Variants in FERMT2 observed in about 807,000 individuals in gnomAD.
The protein encoded by FERMT2 is FERM domain containing kindlin 2.
FERMT2 carries 15 observed loss-of-function variants against 82.7 expected under a neutral mutation model. The observed-to-expected ratio is 0.18, with a 90% confidence interval of 0.12 to 0.28. The LOEUF is 0.28. FERMT2 is among the 10% of genes least tolerant of loss of function. The pLI is 1.00. For missense variants in FERMT2, 645 were observed against 809.4 expected (o/e 0.80, Z 2.46); for synonymous variants, 274 against 271.5 (o/e 1.01, Z -0.09).
chr14:52,906,369 G>A (rs973811845), intron 3 of FERMT2, among the ~76,000 whole-genome samples: 1 of 152,196 alleles, frequency 6.6e-6, no homozygotes, highest in African/African-American at 2.4e-5. Context: ...CCTCAGTAAT[G>A]AGGCTAAATT....
At chr14:52,915,430 A>G (rs1359863347) in intron 3 of FERMT2, among the ~76,000 whole-genome samples, 1 of 152,228 alleles carries the variant, frequency 6.6e-6, no homozygotes, top group Non-Finnish European at 1.5e-5. Context: ...GGACATATAA[A>G]TGGATCAATG....
At chr14:52,869,782 A>T (rs529177808) in intron 10 of FERMT2, among the ~76,000 whole-genome samples, 2 of 152,164 alleles carry the variant, frequency 1.3e-5, no homozygotes, top group Non-Finnish European at 2.9e-5. Flanking sequence ...GGGGTATTCC[A>T]GAAGAAGGCA....
At chr14:52,869,541 T>A (rs541108150) in intron 10 of FERMT2, among the ~76,000 whole-genome samples, 2 of 152,314 alleles carry the variant, frequency 1.3e-5, no homozygotes, top group Admixed American at 1.3e-4. Flanking sequence ...TACTGCCTAG[T>A]GACACTGTAG....
intron 12 of FERMT2, 151 bp downstream of exon 12, chr14:52,864,250 A>G (rs529361720): frequency 2.6e-4 from 154 of 594,816 alleles, no homozygotes; most frequent in Middle Eastern, 1.7e-3. Flanking sequence ...TCAGAGGTTC[A>G]GATTAGGGAT....
intron 3 of FERMT2, among the ~76,000 whole-genome samples, chr14:52,905,582 A>C (rs1420793219): frequency 1.3e-5 from 2 of 152,212 alleles, no homozygotes; most frequent in Non-Finnish European, 2.9e-5. Flanking sequence ...AGAGACGTGG[A>C]AAGACTGAAG....
chr14:52,919,626 G>A (rs1283708053), intron 2 of FERMT2, among the ~76,000 whole-genome samples: 2 of 152,160 alleles, frequency 1.3e-5, no homozygotes, highest in Non-Finnish European at 2.9e-5. Context: ...GACAGAGAAA[G>A]TACCCTCTTA....
chr14:52,950,376 A>G, intron 2 of FERMT2, 36 bp downstream of exon 2: 2 of 1,572,494 alleles, frequency 1.3e-6, no homozygotes, highest in Non-Finnish European at 1.7e-6. Flanking sequence ...CAATTCTGGG[A>G]AGTCATTAGT....
At chr14:52,918,497 A>G (rs900817219) in intron 3 of FERMT2, among the ~76,000 whole-genome samples, 3 of 152,232 alleles carry the variant, frequency 2.0e-5, no homozygotes, top group African/African-American at 7.2e-5. Flanking sequence ...ATGAGAAGTC[A>G]CTAAATGTAT....
At position 52,881,270 on chromosome 14, in the gene FERMT2, A is replaced by T. The variant is rs1433458632; in HGVS notation, c.726T>A (p.Leu242=). Residue 242 remains leucine (L), a synonymous_variant, in exon 5 of 15, where the codon CTT becomes CTA. Coordinates refer to ENST00000341590, the MANE Select transcript of FERMT2 (RefSeq NM_006832.3). ...ILAKMFKPQA[L]LDKAKINQGW... ...CTTGGTTGATTTTTGCTTTATCAAG[A>T]AGAGCTTGAGGCTTGAACATTTTTG... 3 of 1,613,954 alleles carry T rather than the reference A, an allele frequency of 1.9e-6. No individual in the cohort carries two copies. The highest frequency in any genetic ancestry group is 2.7e-5 in the African/African-American group (2 of 74,912).
intron 4 of FERMT2, among the ~76,000 whole-genome samples, chr14:52,886,393 G>A (rs538788912): frequency 6.3e-4 from 96 of 152,190 alleles, no homozygotes; most frequent in Middle Eastern, 3.4e-3. Flanking sequence ...AGGCTGGAAT[G>A]CAGCAGTGTG....
At chr14:52,904,571 T>C (rs1280408544) in intron 3 of FERMT2, among the ~76,000 whole-genome samples, 1 of 151,686 alleles carries the variant, frequency 6.6e-6, no homozygotes, top group African/African-American at 2.4e-5. Context: ...CATGTGCCTG[T>C]AATCCCAGCT....
At chr14:52,877,874 C>T (rs568987511) in intron 7 of FERMT2, among the ~76,000 whole-genome samples, 4 of 152,144 alleles carry the variant, frequency 2.6e-5, no homozygotes, top group African/African-American at 4.8e-5. Context: ...AAGCATTACT[C>T]GGGTATCTGA....
At chr14:52,920,723 C>T (rs564623296) in intron 2 of FERMT2, among the ~76,000 whole-genome samples, 28 of 152,238 alleles carry the variant, frequency 1.8e-4, no homozygotes, top group Non-Finnish European at 3.2e-4. Context: ...GAGGCTGAGG[C>T]GGGCAGATCA....
intron 4 of FERMT2, among the ~76,000 whole-genome samples, chr14:52,885,511 C>T (rs2139514043): frequency 6.6e-6 from 1 of 152,080 alleles, no homozygotes; most frequent in Admixed American, 6.6e-5. Context: ...GTTTAAAATG[C>T]ATCTGAGGCA....
At chr14:52,914,875 C>T (rs1888532614) in intron 3 of FERMT2, among the ~76,000 whole-genome samples, 1 of 151,814 alleles carries the variant, frequency 6.6e-6, no homozygotes, top group African/African-American at 2.4e-5. Flanking sequence ...AGCGAAGATA[C>T]CACCACTGAA....
At chr14:52,877,549 C>T (rs1485880518) in intron 7 of FERMT2, among the ~76,000 whole-genome samples, 2 of 128,064 alleles carry the variant, frequency 1.6e-5, no homozygotes, top group Admixed American at 8.4e-5. Context: ...TTATGTAAAA[C>T]TAAGGTGAAA....
intron 10 of FERMT2, among the ~76,000 whole-genome samples, chr14:52,869,064 A>T (rs998616442): frequency 6.6e-6 from 1 of 152,188 alleles, no homozygotes; most frequent in African/African-American, 2.4e-5. Flanking sequence ...CAGTGAGAAC[A>T]GGGGCCAGAA....
intron 4 of FERMT2, among the ~76,000 whole-genome samples, chr14:52,892,123 C>T (rs535566944): frequency 6.6e-6 from 1 of 151,314 alleles, no homozygotes; most frequent in Non-Finnish European, 1.5e-5. Context: ...GGTAGGAAGG[C>T]CCGGAAACCA....
intron 2 of FERMT2, among the ~76,000 whole-genome samples, chr14:52,921,962 C>A (rs1221947192): frequency 1.3e-5 from 2 of 152,036 alleles, no homozygotes; most frequent in Non-Finnish European, 2.9e-5. Flanking sequence ...ATATACTCCC[C>A]GTGGGGAGGC....
Sources: allele counts gnomAD v4.1 joint callset (sites outside exome capture counted in the v4.1 genomes callset), GRCh38; gene constraint gnomAD v4.1.1; transcripts MANE v1.5; gene names NCBI Gene and HGNC (gene_info 2026-07-23, HGNC 2026-07-21).